SDK1: variants seen among roughly 807,000 people sequenced by gnomAD.
The protein encoded by SDK1 is sidekick cell adhesion molecule 1.
A neutral mutation model predicts 245.5 loss-of-function variants in SDK1; 157 were observed. The ratio of observed to expected loss-of-function variants is 0.64; its 90% CI spans 0.56 to 0.73. SDK1 has a LOEUF of 0.73. Ranked by LOEUF, SDK1 falls within the 30% of genes least tolerant of loss-of-function variation. The pLI, the probability that SDK1 is intolerant of heterozygous loss-of-function variation, is 0.00. For missense variants in SDK1, 3,583 were observed against 3,002.3 expected, an observed-to-expected ratio of 1.19 and a Z score of -4.52; for synonymous variants, 1,647 against 1,278.5, an observed-to-expected ratio of 1.29 and a Z score of -6.15.
At chr7:3,529,608 G>A (rs531955514) in intron 1 of SDK1, among the ~76,000 whole-genome samples, 1 of 152,090 alleles carries the variant, frequency 6.6e-6, no homozygotes, top group East Asian at 1.9e-4. Context: ...AAGGAGTAAT[G>A]GAGTGAAAAA....
At chr7:3,953,369 C>A (rs547365664) in intron 7 of SDK1, among the ~76,000 whole-genome samples, 1 of 152,180 alleles carries the variant, frequency 6.6e-6, no homozygotes, top group Non-Finnish European at 1.5e-5. Context: ...TTAAAAGCAT[C>A]CAAGGAAGCC....
intron 1 of SDK1, among the ~76,000 whole-genome samples, chr7:3,416,402 G>A (rs1779366491): frequency 6.6e-6 from 1 of 151,786 alleles, no homozygotes; most frequent in African/African-American, 2.4e-5. Flanking sequence ...TGGCAAATTG[G>A]AAAGCTCGGG....
chr7:3,860,668 T>C lies in SDK1; in HGVS notation c.847+39085T>C, dbSNP rs1780668653. Reference sequence around the variant, plus strand: ...TTAAATTATCAGGCCCAGAGAGACATTAAAATGACGTAGCAGTCATCTCCT... The same window carrying C: ...TTAAATTATCAGGCCCAGAGAGACACTAAAATGACGTAGCAGTCATCTCCT... On this transcript the variant is annotated intron_variant, in intron 5 of 44. Transcript: ENST00000404826. Among the ~76,000 whole-genome samples, 6 of 152,224 alleles carry C rather than the reference T, an allele frequency of 3.9e-5. No homozygotes were observed. In the South Asian group the frequency reaches 1.2e-3, roughly 32 times the overall value.
At chr7:4,083,156 T>C (rs1490358432) in intron 22 of SDK1, among the ~76,000 whole-genome samples, 2 of 152,200 alleles carry the variant, frequency 1.3e-5, no homozygotes, top group African/African-American at 4.8e-5. Flanking sequence ...TGACAGCTTT[T>C]GACTTAGCTA....
chr7:4,201,811 C>A (rs1783902180), intron 35 of SDK1, among the ~76,000 whole-genome samples: 1 of 151,822 alleles, frequency 6.6e-6, no homozygotes. Flanking sequence ...GAGGCTTTGG[C>A]AACAGCAGAC....
intron 4 of SDK1, among the ~76,000 whole-genome samples, chr7:3,783,305 A>G (rs1025172993): frequency 1.3e-5 from 2 of 152,174 alleles, no homozygotes; most frequent in African/African-American, 4.8e-5. Context: ...ACATAGACAA[A>G]CATGCCTATT....
intron 5 of SDK1, among the ~76,000 whole-genome samples, chr7:3,859,116 C>T (rs1398325543): frequency 6.6e-6 from 1 of 152,142 alleles, no homozygotes; most frequent in Non-Finnish European, 1.5e-5. Flanking sequence ...CCCGCCTCGG[C>T]CTCCCAAAGT....
chr7:4,161,522 C>A (rs1781120356), intron 31 of SDK1, among the ~76,000 whole-genome samples: 1 of 152,168 alleles, frequency 6.6e-6, no homozygotes, highest in African/African-American at 2.4e-5. Context: ...GGAGGGGTGG[C>A]TCTCGGAATG....
intron 1 of SDK1, among the ~76,000 whole-genome samples, chr7:3,389,395 C>G (rs992168775): frequency 6.6e-5 from 10 of 151,996 alleles, no homozygotes; most frequent in African/African-American, 9.7e-5. Context: ...ATAAACAGAG[C>G]AAAGCAGAGT....
At chr7:4,161,331 T>G (rs557749376) in intron 31 of SDK1, among the ~76,000 whole-genome samples, 7 of 152,336 alleles carry the variant, frequency 4.6e-5, no homozygotes, top group African/African-American at 1.7e-4. Flanking sequence ...TCTCCTTTCC[T>G]GACAGCCTTT....
intron 5 of SDK1, among the ~76,000 whole-genome samples, chr7:3,871,150 CTTT>C (rs200291112): frequency 0.22 from 31,759 of 143,444 alleles, 3,573 homozygotes; most frequent in African/African-American, 0.29. Flanking sequence ...TATTTCTTGA[CTTT>C]TTTTTTTTTT....
At chr7:3,312,616 G>A (rs1218288837) in intron 1 of SDK1, among the ~76,000 whole-genome samples, 5 of 151,954 alleles carry the variant, frequency 3.3e-5, no homozygotes, top group Admixed American at 6.6e-5. Flanking sequence ...AAAGAGCCAG[G>A]TAGATATAAT....
At chr7:3,684,257 C>T (rs369738121) in intron 4 of SDK1, among the ~76,000 whole-genome samples, 11 of 152,212 alleles carry the variant, frequency 7.2e-5, no homozygotes, top group African/African-American at 1.7e-4. Flanking sequence ...TATTAAGCAT[C>T]ACCCCACACA....
At chr7:3,681,781 T>C (rs2114984513) in intron 4 of SDK1, among the ~76,000 whole-genome samples, 1 of 152,314 alleles carries the variant, frequency 6.6e-6, no homozygotes, top group South Asian at 2.1e-4. Context: ...AAAGATAGCT[T>C]TCTATTTATT....
intron 4 of SDK1, among the ~76,000 whole-genome samples, chr7:3,751,337 T>C (rs954654330): frequency 6.6e-6 from 1 of 151,912 alleles, no homozygotes; most frequent in African/African-American, 2.4e-5. Context: ...AACCTTGAAG[T>C]CAGCACCTCC....
rs1788576355 is a variant in SDK1 at position 4,268,048 on chromosome 7, G to A, written c.*2664G>A. 8.1e-6 allele frequency: 8 copies of A among 985,232 alleles called. No individual in the cohort carries two copies. Among genetic ancestry groups the A allele is most frequent in the African/African-American group, 1.7e-5 (1 of 57,238 alleles). 61.0% of individuals were successfully genotyped at this position (985,232 alleles called of 1,614,324 possible). A position where few individuals can be genotyped will look rare whatever the true frequency, so the allele number is the denominator to read the frequency against. On this transcript the variant is annotated 3_prime_UTR_variant, in exon 45 of 45. Coordinates refer to ENST00000404826, the MANE Select transcript of SDK1 (RefSeq NM_152744.4). ...AAGATGGAGGTTGGATTTTAATCTC[G>A]GTTTTAAAAAGAGGACAAACAAAAT...
intron 4 of SDK1, among the ~76,000 whole-genome samples, chr7:3,740,133 C>A (rs983714294): frequency 6.6e-6 from 1 of 152,094 alleles, no homozygotes; most frequent in African/African-American, 2.4e-5. Context: ...TATGTGCTGG[C>A]AGGCAGTTTA....
At chr7:3,781,811 C>T (rs754596928) in intron 4 of SDK1, among the ~76,000 whole-genome samples, 14 of 152,066 alleles carry the variant, frequency 9.2e-5, no homozygotes, top group East Asian at 1.9e-4. Context: ...AAGACACTGT[C>T]GAGCAGAAGA....
intron 4 of SDK1, among the ~76,000 whole-genome samples, chr7:3,741,987 CAT>C (rs142076799): frequency 0.22 from 28,895 of 131,856 alleles, 3,122 homozygotes; most frequent in Non-Finnish European, 0.26. Flanking sequence ...TTGTAGTGTG[CAT>C]ATATATATAT....
Sources: allele counts gnomAD v4.1 joint callset (sites outside exome capture counted in the v4.1 genomes callset), GRCh38; gene constraint gnomAD v4.1.1; transcripts MANE v1.5; gene names NCBI Gene and HGNC (gene_info 2026-07-23, HGNC 2026-07-21).